The following DNM2 variants were observed in gnomAD, a reference collection of about 807,000 sequenced individuals.
The protein encoded by DNM2 is dynamin 2.
In DNM2, 15 loss-of-function variants were observed where a neutral mutation model predicts 99.0. The observed-to-expected ratio is 0.15, with a 90% CI of 0.10 to 0.23. DNM2 has a LOEUF of 0.23. Among genes scored for constraint, DNM2 ranks in the 10% least tolerant of loss-of-function variants. The pLI is 1.00. For missense variants in DNM2, 742 were observed against 1,189.4 expected, an observed-to-expected ratio of 0.62 and a Z score of 5.53; for synonymous variants, 525 against 481.2, an observed-to-expected ratio of 1.09 and a Z score of -1.19.
Position 10,803,108 on chromosome 19 carries a change from G to T in DNM2, c.1493+750G>T, listed in dbSNP as rs1254285199. Among the ~76,000 whole-genome samples the T allele has an allele frequency of 2.6e-5, 4 of 152,328 alleles. No homozygotes were observed. In the East Asian group the frequency reaches 7.7e-4, roughly 29 times the overall value. On this transcript the variant is annotated intron_variant, in intron 12 of 20. Coordinates refer to ENST00000389253, the MANE Select transcript of DNM2 (RefSeq NM_001005361.3). ...GGAAGACCACATGCAGGGAACCGAT[G>T]GGGACCCAGGGCGTTAAGGTGTAGT...
At chr19:10,738,996 G>A (rs531473087) in intron 1 of DNM2, among the ~76,000 whole-genome samples, 7 of 151,964 alleles carry the variant, frequency 4.6e-5, no homozygotes, top group South Asian at 2.1e-4. Flanking sequence ...GTGAAACCCC[G>A]TCTCTACTAA....
rs2072929662 is a variant in DNM2 at position 10,820,261 on chromosome 19, C to A, written c.1781+172C>A. ...AAATAGCAAATGCCAGGGATGCTTC[C>A]CGTGCTGGGTCAGAGATGACCTCTC... is the stretch of plus-strand genomic sequence containing the variant. On this transcript the variant is annotated intron_variant, in intron 16 of 20. Coordinates refer to ENST00000389253, the MANE Select transcript of DNM2 (RefSeq NM_001005361.3). The surrounding 1 kb of genome is among the most constrained non-coding windows in gnomAD (Gnocchi z 4.3). Among the ~76,000 whole-genome samples, 1 of 152,186 alleles carries A rather than the reference C, an allele frequency of 6.6e-6. No individual in the cohort carries two copies. The highest frequency in any genetic ancestry group is 2.4e-5 in the African/African-American group (1 of 41,440).
chr19:10,760,102 T>C (rs951548740), intron 2 of DNM2, among the ~76,000 whole-genome samples: 1 of 152,030 alleles, frequency 6.6e-6, no homozygotes, highest in Non-Finnish European at 1.5e-5. Flanking sequence ...GATGCTATCT[T>C]GGCTCACTGC....
At chr19:10,808,227 A>G (rs1023858541) in intron 13 of DNM2, among the ~76,000 whole-genome samples, 11 of 150,270 alleles carry the variant, frequency 7.3e-5, no homozygotes, top group African/African-American at 2.7e-4. Context: ...CCCATTGGGC[A>G]GGGGTGGGGG....
chr19:10,808,605 C>T (rs755322237), intron 14 of DNM2, 25 bp downstream of exon 14: 2 of 1,610,802 alleles, frequency 1.2e-6, no homozygotes, highest in South Asian at 1.1e-5. Context: ...AGTGTGGTAG[C>T]AAACATTAGA....
At chr19:10,759,888 G>C (rs1026583196) in intron 2 of DNM2, 77 bp downstream of exon 2, 2 of 1,583,800 alleles carry the variant, frequency 1.3e-6, no homozygotes, top group Admixed American at 3.3e-5. Context: ...GGGGCGGAGG[G>C]TGGAACTTGG....
intron 1 of DNM2, among the ~76,000 whole-genome samples, chr19:10,738,176 T>G (rs1377506287): frequency 2.0e-5 from 3 of 152,098 alleles, no homozygotes; most frequent in Admixed American, 6.6e-5. Context: ...GCAGATCATC[T>G]GAGGCTGGGA....
In DNM2 at chr19:10,722,477, T is replaced by G. The variant is rs1240684060; in HGVS notation, c.161+4074T>G. Among the ~76,000 whole-genome samples, 4 of 152,206 alleles carry G rather than the reference T, an allele frequency of 2.6e-5. No individual in the cohort carries two copies. The East Asian group carries it at 7.7e-4, about 29-fold the overall frequency. ...CCCGCACCCTAGCCTCCCGAGTAGCTGGGACTGCAGGCACCCGCCACCACG... is the reference window on the plus strand; with the variant it reads ...CCCGCACCCTAGCCTCCCGAGTAGCGGGGACTGCAGGCACCCGCCACCACG... On this transcript the variant is annotated intron_variant, in intron 1 of 20. Coordinates refer to ENST00000389253, the MANE Select transcript of DNM2 (RefSeq NM_001005361.3).
At chr19:10,731,787 C>T (rs543911241) in intron 1 of DNM2, among the ~76,000 whole-genome samples, 6 of 152,204 alleles carry the variant, frequency 3.9e-5, no homozygotes, top group African/African-American at 1.4e-4. Flanking sequence ...CTGAGTTCCC[C>T]GTTGTCTGGG....
At chr19:10,736,552 C>T (rs975617020) in intron 1 of DNM2, among the ~76,000 whole-genome samples, 3 of 152,170 alleles carry the variant, frequency 2.0e-5, no homozygotes, top group Non-Finnish European at 2.9e-5. Flanking sequence ...TTGTTGATTT[C>T]ATAGAAAAGA....
At position 10,813,689 on chromosome 19, in the gene DNM2, G is replaced by C. The variant is rs188314552; in HGVS notation, c.1671+1312G>C. Among the ~76,000 whole-genome samples, 4 of 152,182 alleles carry C rather than the reference G, an allele frequency of 2.6e-5. No individual in the cohort carries two copies. In the East Asian group the frequency reaches 7.7e-4, roughly 29 times the overall value. ...AACCCAAAAAAAATTAGCTGGGCAT[G>C]GTGGTGCATACCTGTAGTCCCAGCT... On this transcript the variant is annotated intron_variant, in intron 15 of 20. Transcript: ENST00000389253.
rs994006028 is a variant in DNM2 at position 10,775,333 on chromosome 19, C to T, written c.386-370C>T. On this transcript the variant is annotated intron_variant, in intron 3 of 20. Coordinates refer to ENST00000389253, the MANE Select transcript of DNM2 (RefSeq NM_001005361.3). The surrounding 1 kb of genome is among the most constrained non-coding windows in gnomAD (Gnocchi z 4.3). The stretch of plus-strand genomic sequence containing the variant: ...CTGGCCTCAAGTGATCCACCCACCT[C>T]GGCCTCCCAAAGTGCTGGGATTGCA... Among the ~76,000 whole-genome samples the T allele has an allele frequency of 6.7e-6, 1 of 150,316 alleles. No homozygotes were observed. Among genetic ancestry groups the T allele is most frequent in the Non-Finnish European group, 1.5e-5 (1 of 67,506 alleles).
At chr19:10,808,317 C>T (rs915325759) in intron 13 of DNM2, among the ~76,000 whole-genome samples, 1 of 152,048 alleles carries the variant, frequency 6.6e-6, no homozygotes, top group Non-Finnish European at 1.5e-5. Context: ...TTTATTTTTG[C>T]GCTTGCCGTA....
intron 1 of DNM2, among the ~76,000 whole-genome samples, chr19:10,744,148 A>C (rs1309798343): frequency 1.3e-5 from 2 of 150,848 alleles, no homozygotes; most frequent in African/African-American, 4.9e-5. Context: ...ACAGAGCCAG[A>C]CTCCATCTAA....
At chr19:10,823,098 C>G in intron 16 of DNM2, 1 of 147,620 alleles carries the variant, frequency 6.8e-6, no homozygotes, top group East Asian at 2.1e-4. Flanking sequence ...GAGCAAGACT[C>G]TGTCTCAAAA....
intron 1 of DNM2, among the ~76,000 whole-genome samples, chr19:10,742,536 C>T (rs1344435059): frequency 1.3e-5 from 2 of 152,200 alleles, no homozygotes; most frequent in East Asian, 3.8e-4. Flanking sequence ...CAGTTCCTGC[C>T]GTGAGGCTGT....
rs766950025 is a variant in DNM2 at position 10,786,598 on chromosome 19, C to T, written c.884C>T (p.Ala295Val). Residue 295 changes from alanine (A) to valine (V), a missense_variant, in exon 7 of 21, where the codon GCC becomes GTC. This residue lies in a region of DNM2 where 44 missense variants were observed against 41.3 expected (regional missense o/e 1.06). Transcript: ENST00000389253. ...AACCACATCCGGGAGTCGCTGCCGGCCCTACGTAGCAAACTACAGAGCCAG... is the reference window on the plus strand; with the variant it reads ...AACCACATCCGGGAGTCGCTGCCGGTCCTACGTAGCAAACTACAGAGCCAG... Reference protein sequence around the residue: ...LTNHIRESLPALRSKLQSQLL... With the variant: ...LTNHIRESLPVLRSKLQSQLL... The T allele has an allele frequency of 3.7e-6, 6 of 1,614,064 alleles. No homozygotes were observed. In the Admixed American group the frequency reaches 1.0e-4, roughly 27 times the overall value.
At chr19:10,735,454 C>T (rs2069489053) in intron 1 of DNM2, among the ~76,000 whole-genome samples, 2 of 152,186 alleles carry the variant, frequency 1.3e-5, no homozygotes, top group East Asian at 1.9e-4. Context: ...GCTAGGTTTC[C>T]CCACTGGAAA....
Position 10,830,554 on chromosome 19 carries a change from A to G in DNM2, c.2543+176A>G. ...CCCAGAGAGGCCAAGAGGCTTGTTC[A>G]GTGTCACAGAGTAGCGGAGCCCTGG... On this transcript the variant is annotated intron_variant, in intron 20 of 20. Transcript: ENST00000389253. The surrounding 1 kb of genome is among the most constrained non-coding windows in gnomAD (Gnocchi z 4.8). 1 of 770,090 alleles carries G rather than the reference A, an allele frequency of 1.3e-6. No individual in the cohort carries two copies. The highest frequency in any genetic ancestry group is 2.0e-6 in the Non-Finnish European group (1 of 490,268). The allele number at this position is 770,090 out of a possible 1,614,324, so 47.7% of individuals were successfully genotyped here. A position where few individuals can be genotyped will look rare whatever the true frequency, so the allele number is the denominator to read the frequency against.
Sources: gnomAD v4.1 joint callset for allele counts (sites outside exome capture counted in the v4.1 genomes callset) on GRCh38, gnomAD v4.1.1 for gene constraint, gnomAD v4.1.1 regional missense constraint, Gnocchi (gnomAD v3.1) non-coding constraint, MANE v1.5 for transcripts, NCBI Gene and HGNC (gene_info 2026-07-23, HGNC 2026-07-21) for gene names.